The following CDC6 variants were observed in gnomAD, a reference collection of about 807,000 sequenced individuals.
CDC6 encodes the protein cell division cycle 6, also known as DNA replication factor CDC6.
Under a neutral mutation model 60.2 loss-of-function variants are expected in CDC6, and 46 were observed. The observed-to-expected ratio is 0.76, with a 90% CI of 0.60 to 0.98. The LOEUF (loss-of-function observed/expected upper bound fraction) is 0.98, where lower values mean the gene tolerates loss of function less well. Among genes scored for constraint, CDC6 ranks in the 50% least tolerant of loss-of-function variants. The pLI, the probability that CDC6 is intolerant of heterozygous loss-of-function variation, is 0.00. For synonymous variants in CDC6, 210 were observed against 233.2 expected, an observed-to-expected ratio of 0.90 and a Z score of 0.90; for missense variants, 596 against 652.9, an observed-to-expected ratio of 0.91 and a Z score of 0.95.
chr17:40,289,206 G>T, intron 1 of CDC6: 2 of 528,716 alleles, frequency 3.8e-6, no homozygotes, highest in East Asian at 3.5e-5. Flanking sequence ...TTATAACAGC[G>T]CCCTTCCACG....
rs1372862286 is a variant in CDC6, at chr17:40,289,551, G to C, written c.131G>C (p.Cys44Ser). ...LEPTNVQTVT[C>S]SPRVKALPLS... Reference sequence around the variant, plus strand: ...CCAACAAATGTCCAAACCGTAACCTGTTCTCCTCGTGTAAAAGCCCTGCCT... The same window carrying C: ...CCAACAAATGTCCAAACCGTAACCTCTTCTCCTCGTGTAAAAGCCCTGCCT... Residue 44 changes from cysteine (C) to serine (S), a missense_variant, in exon 2 of 12, where the codon TGT (cysteine) becomes TCT (serine). Physicochemically the swap from Cys to Ser is moderately radical, Grantham distance 112. Transcript: ENST00000209728. 6.2e-7 allele frequency: 1 copy of C among 1,613,888 alleles called. No individual in the cohort carries two copies. Among genetic ancestry groups the C allele is most frequent in the South Asian group, 1.1e-5 (1 of 91,084 alleles).
intron 9 of CDC6, among the ~76,000 whole-genome samples, chr17:40,298,654 C>T (rs2032894273): frequency 6.6e-6 from 1 of 152,208 alleles, no homozygotes; most frequent in Non-Finnish European, 1.5e-5. Context: ...TCTCCTGCCT[C>T]AGCCTCCCAC....
At chr17:40,293,906 G>C (rs866137504) in intron 5 of CDC6, 44 bp from the exon 6 acceptor site, 1 of 1,496,176 alleles carries the variant, frequency 6.7e-7, no homozygotes, top group Non-Finnish European at 9.3e-7. Context: ...ACATTAGAGG[G>C]TTAAGAAGGT....
At chr17:40,299,124 G>C (rs979897542) in intron 9 of CDC6, among the ~76,000 whole-genome samples, 2 of 138,902 alleles carry the variant, frequency 1.4e-5, no homozygotes, top group African/African-American at 5.3e-5. Context: ...ATCTCCAAAC[G>C]ATAAGGCCAT....
In CDC6 at chr17:40,302,316, G is replaced by GT. The variant is rs1308101837; in HGVS notation, c.*318dup. 3.9e-5 allele frequency: 12 copies of GT among 306,036 alleles called. No individual in the cohort carries two copies. Among genetic ancestry groups the GT allele is most frequent in the Non-Finnish European group, 6.1e-5 (10 of 163,140 alleles). 19.0% of individuals were successfully genotyped at this position (306,036 alleles called of 1,614,324 possible). A position where few individuals can be genotyped will look rare whatever the true frequency, so the allele number is the denominator to read the frequency against. On this transcript the variant is annotated 3_prime_UTR_variant, in exon 12 of 12. Coordinates refer to ENST00000209728, the MANE Select transcript of CDC6 (RefSeq NM_001254.4). The stretch of plus-strand genomic sequence containing the variant: ...GGAATGTGTGTATATTTACCTCTTC[G>GT]TTTGCTCAAACATGAGTGGGTATTT...
chr17:40,291,673 A>T lies in CDC6; in HGVS notation c.660+5A>T. 4 of 1,610,070 alleles carry T rather than the reference A, an allele frequency of 2.5e-6. No homozygotes were observed. The highest frequency in any genetic ancestry group is 3.4e-6 in the Non-Finnish European group (4 of 1,176,292). On this transcript the variant is annotated splice_donor_5th_base_variant and intron_variant, in intron 4 of 11. Coordinates refer to ENST00000209728, the MANE Select transcript of CDC6 (RefSeq NM_001254.4). ...CGGATTCTGCAAGACCTCAAGGTAC[A>T]TTGAGAGTCTGAATTATGATACTCT...
Position 40,289,615 on chromosome 17 carries a change from A to G in CDC6, c.178+17A>G, listed in dbSNP as rs375278614. 1.7e-5 allele frequency: 28 copies of G among 1,607,412 alleles called. No homozygotes were observed. In the African/African-American group the frequency reaches 3.8e-4, roughly 22 times the overall value. On this transcript the variant is annotated intron_variant, in intron 2 of 11. Coordinates refer to ENST00000209728, the MANE Select transcript of CDC6 (RefSeq NM_001254.4). ...AACGTCTGGGTAAACCATCCATTAT[A>G]TCACTTTTTCACTAGCAGCTCGTGA...
chr17:40,296,827 A>G, intron 9 of CDC6, 60 bp downstream of exon 9: 1 of 1,047,994 alleles, frequency 9.5e-7, no homozygotes, highest in Non-Finnish European at 1.5e-6. Flanking sequence ...TTTTCTGAGG[A>G]AAGAGGTAGA....
intron 1 of CDC6, 45 bp from the exon 2 acceptor site, chr17:40,289,363 A>C (rs966398837): frequency 1.4e-6 from 2 of 1,417,516 alleles, no homozygotes; most frequent in African/African-American, 2.8e-5. Context: ...TTTTCTCTTC[A>C]CTTTCACATA....
chr17:40,304,389 G>A lies in CDC6; in HGVS notation c.*2388G>A, dbSNP rs889787454. ...CTTGCTGGCTTTTCTCCCTGAAGCT[G>A]AGAGCTTCAGGAAGGTGGTAGGAGT... On this transcript the variant is annotated 3_prime_UTR_variant, in exon 12 of 12. Coordinates refer to ENST00000209728, the MANE Select transcript of CDC6 (RefSeq NM_001254.4). The A allele has an allele frequency of 6.6e-6, 1 of 152,242 alleles. No individual in the cohort carries two copies. The highest frequency in any genetic ancestry group is 2.4e-5 in the African/African-American group (1 of 41,460). 9.4% of individuals were successfully genotyped at this position (152,242 alleles called of 1,614,324 possible).
In CDC6 at chr17:40,303,759, T is replaced by G. The variant is rs928305400; in HGVS notation, c.*1758T>G. ...ATAATTGCAAAGATTGTCCGAAGGCTGATGGAAAGCAGAGACTGAATGGGA... is the reference window on the plus strand; with the variant it reads ...ATAATTGCAAAGATTGTCCGAAGGCGGATGGAAAGCAGAGACTGAATGGGA... On this transcript the variant is annotated 3_prime_UTR_variant, in exon 12 of 12. Transcript: ENST00000209728. 7.9e-5 allele frequency: 12 copies of G among 152,258 alleles called. No individual in the cohort carries two copies. The highest frequency in any genetic ancestry group is 1.2e-4 in the Non-Finnish European group (8 of 68,042). 9.4% of individuals were successfully genotyped at this position (152,258 alleles called of 1,614,324 possible).
At chr17:40,290,607 G>A (rs1311142928) in intron 2 of CDC6, among the ~76,000 whole-genome samples, 1 of 152,132 alleles carries the variant, frequency 6.6e-6, no homozygotes, top group African/African-American at 2.4e-5. Flanking sequence ...CCCAGTGGAC[G>A]CCTGCAATCG....
At chr17:40,288,745 C>T (rs1371722537) in intron 1 of CDC6, among the ~76,000 whole-genome samples, 1 of 152,132 alleles carries the variant, frequency 6.6e-6, no homozygotes, top group Admixed American at 6.5e-5. Flanking sequence ...CCACCACGCC[C>T]GGCTAATTTT....
rs1245468013 is a variant in CDC6, at chr17:40,294,476, C to T, written c.1056C>T (p.Val352=). Residue 352 remains valine, a synonymous_variant, in exon 7 of 12, where the codon GTC becomes GTT. Transcript: ENST00000209728. ...CACCTTATACCAGAAATCAGATAGTCACTATTTTGCAAGATCGACTTAATC... is the reference window on the plus strand; with the variant it reads ...CACCTTATACCAGAAATCAGATAGTTACTATTTTGCAAGATCGACTTAATC... ...NFPPYTRNQI[V]TILQDRLNQV... 1 of 1,614,030 alleles carries T rather than the reference C, an allele frequency of 6.2e-7. No homozygotes were observed. Among genetic ancestry groups the T allele is most frequent in the Non-Finnish European group, 8.5e-7 (1 of 1,179,976 alleles).
chr17:40,299,336 G>A (rs898940829), intron 9 of CDC6, among the ~76,000 whole-genome samples: 8 of 150,934 alleles, frequency 5.3e-5, no homozygotes, highest in Non-Finnish European at 8.9e-5. Flanking sequence ...TTTTAGTAGC[G>A]ATGGGGGAAA....
rs1275910343 is a variant in CDC6, at chr17:40,296,573, TA to T, written c.1185-129del. 11 of 680,650 alleles carry T rather than the reference TA, an allele frequency of 1.6e-5. No homozygotes were observed. The Admixed American group carries it at 2.5e-4, about 15-fold the overall frequency. The allele number at this position is 680,650 out of a possible 1,614,324, so 42.2% of individuals were successfully genotyped here. A position where few individuals can be genotyped will look rare whatever the true frequency, so the allele number is the denominator to read the frequency against. On this transcript the variant is annotated intron_variant, in intron 8 of 11. Transcript: ENST00000209728. ...AGGATATGTGTAGGCTAAACCATGT[TA>T]GCCTACATGACCATTGTTCATAGTT...
intron 1 of CDC6, among the ~76,000 whole-genome samples, chr17:40,288,494 C>T (rs1363551934): frequency 1.3e-5 from 2 of 151,978 alleles, no homozygotes; most frequent in African/African-American, 2.4e-5. Flanking sequence ...TCTCGGCTCA[C>T]TGCAACCTCT....
At chr17:40,293,925 A>T (rs774283504) in intron 5 of CDC6, 25 bp from the exon 6 acceptor site, 1 of 1,566,492 alleles carries the variant, frequency 6.4e-7, no homozygotes, top group Non-Finnish European at 8.8e-7. Context: ...GTGAATATGG[A>T]TACTAACTGT....
chr17:40,293,802 G>C, intron 5 of CDC6, 148 bp from the exon 6 acceptor site: 1 of 875,464 alleles, frequency 1.1e-6, no homozygotes, highest in Non-Finnish European at 1.9e-6. Context: ...GATGATGTGG[G>C]GTATCCTTGT....
Sources: gnomAD v4.1 joint callset for allele counts (sites outside exome capture counted in the v4.1 genomes callset) on GRCh38, gnomAD v4.1.1 for gene constraint, MANE v1.5 for transcripts, NCBI Gene and HGNC (gene_info 2026-07-23, HGNC 2026-07-21) for gene names.